The following PTPRT variants were observed in gnomAD, a reference collection of about 807,000 sequenced individuals.
The protein encoded by PTPRT is protein tyrosine phosphatase receptor type T, also known as receptor-type tyrosine-protein phosphatase T.
A neutral mutation model predicts 176.8 loss-of-function variants in PTPRT; 56 were observed. The ratio of observed to expected loss-of-function variants is 0.32; its 90% CI spans 0.26 to 0.40. The LOEUF is 0.40. Ranked by LOEUF, PTPRT falls within the 10% of genes least tolerant of loss-of-function variation. The probability of loss-of-function intolerance (pLI) is 1.00; values close to 1 mark genes in which losing one functional copy is unlikely to be tolerated. For synonymous variants in PTPRT, 783 were observed against 739.0 expected, an observed-to-expected ratio of 1.06 and a Z score of -0.96; for missense variants, 1,540 against 1,908.2, an observed-to-expected ratio of 0.81 and a Z score of 3.60.
At chr20:42,601,411 T>C (rs2073779662) in intron 7 of PTPRT, among the ~76,000 whole-genome samples, 1 of 152,214 alleles carries the variant, frequency 6.6e-6, no homozygotes, top group South Asian at 2.1e-4. Flanking sequence ...CATCAGCACA[T>C]GTCACGATTA....
At chr20:42,645,898 T>C (rs540344029) in intron 7 of PTPRT, among the ~76,000 whole-genome samples, 1 of 152,186 alleles carries the variant, frequency 6.6e-6, no homozygotes, top group Non-Finnish European at 1.5e-5. Context: ...GTGAGTTTTA[T>C]AGAAATGTGC....
chr20:42,506,733 C>A (rs1331055242), intron 7 of PTPRT, among the ~76,000 whole-genome samples: 2 of 152,022 alleles, frequency 1.3e-5, no homozygotes, highest in Non-Finnish European at 2.9e-5. Context: ...TGAAAAAAAA[C>A]ACTGAGATTA....
chr20:42,406,751 A>T (rs566420057), intron 9 of PTPRT, among the ~76,000 whole-genome samples: 3 of 152,360 alleles, frequency 2.0e-5, no homozygotes, highest in African/African-American at 7.2e-5. Context: ...AAACAAATGG[A>T]ATCAATCAGT....
intron 2 of PTPRT, among the ~76,000 whole-genome samples, chr20:42,836,375 T>C (rs1403891180): frequency 6.6e-6 from 1 of 152,190 alleles, no homozygotes; most frequent in African/African-American, 2.4e-5. Context: ...CACCACCTGG[T>C]CTGTGTACTT....
At chr20:42,488,762 C>T (rs1474693453) in intron 7 of PTPRT, among the ~76,000 whole-genome samples, 2 of 151,808 alleles carry the variant, frequency 1.3e-5, no homozygotes, top group Non-Finnish European at 2.9e-5. Flanking sequence ...GTCAGGAATT[C>T]GAGACCAGCC....
At chr20:42,951,992 C>T (rs1024212536) in intron 1 of PTPRT, among the ~76,000 whole-genome samples, 30 of 152,118 alleles carry the variant, frequency 2.0e-4, no homozygotes, top group African/African-American at 5.6e-4. Context: ...GAAAAGGCAC[C>T]CAAATCCCTG....
At chr20:42,892,866 ATTG>A (rs2079219654) in intron 1 of PTPRT, among the ~76,000 whole-genome samples, 2 of 152,158 alleles carry the variant, frequency 1.3e-5, no homozygotes, top group Non-Finnish European at 2.9e-5. Flanking sequence ...CTTGCACTTT[ATTG>A]TTCAGTGAAT....
rs181451067 is a variant in PTPRT at position 42,461,282 on chromosome 20, G to A, written c.1450+10984C>T. Among the ~76,000 whole-genome samples the A allele has an allele frequency of 8.9e-3, 1,350 of 152,268 alleles. 11 individuals carry two copies. Among genetic ancestry groups the A allele is most frequent in the Middle Eastern group, 0.014 (4 of 294 alleles). ...GCGGAGGTTGCGGTGAGCCAAGATC[G>A]TGCCATTGCACTCCAGCCTGGGCAA... On this transcript the variant is annotated intron_variant, in intron 8 of 30. Coordinates refer to ENST00000373187, the MANE Select transcript of PTPRT (RefSeq NM_007050.6).
At position 42,916,484 on chromosome 20, in the gene PTPRT, A is replaced by G. The variant is rs377161809; in HGVS notation, c.89-30552T>C. 2.0e-5 allele frequency among the ~76,000 whole-genome samples: 3 copies of G among 152,224 alleles called. No homozygotes were observed. In the South Asian group the frequency reaches 6.2e-4, roughly 31 times the overall value. On this transcript the variant is annotated intron_variant, in intron 1 of 30. Coordinates refer to ENST00000373187, the MANE Select transcript of PTPRT (RefSeq NM_007050.6). ...TAATCCTTTGGGTATATACCCAGTAATGGGATTGCTGGGTTAAATGCTATT... is the reference window on the plus strand; with the variant it reads ...TAATCCTTTGGGTATATACCCAGTAGTGGGATTGCTGGGTTAAATGCTATT...
intron 6 of PTPRT, among the ~76,000 whole-genome samples, chr20:42,692,983 G>A (rs1364044481): frequency 6.6e-6 from 1 of 152,044 alleles, no homozygotes; most frequent in African/African-American, 2.4e-5. Flanking sequence ...TGGTAATATG[G>A]GTGTACATGT....
chr20:42,090,966 C>G (rs1984554447), intron 27 of PTPRT, among the ~76,000 whole-genome samples: 1 of 152,210 alleles, frequency 6.6e-6, no homozygotes, highest in Non-Finnish European at 1.5e-5. Context: ...CCTTTCTTTT[C>G]CAGTGGTCTG....
intron 21 of PTPRT, chr20:42,116,030 C>A (rs1987263109): frequency 6.9e-6 from 5 of 721,186 alleles, no homozygotes; most frequent in Non-Finnish European, 7.8e-6. Flanking sequence ...AGAACAAAAG[C>A]ATGATTACCA....
At chr20:43,082,960 C>T (rs990367488) in intron 1 of PTPRT, among the ~76,000 whole-genome samples, 1 of 152,108 alleles carries the variant, frequency 6.6e-6, no homozygotes, top group Non-Finnish European at 1.5e-5. Context: ...CTTCACCCTT[C>T]CCTAATTCGT....
chr20:42,525,522 T>C (rs546756906), intron 7 of PTPRT, among the ~76,000 whole-genome samples: 91 of 152,300 alleles, frequency 6.0e-4, no homozygotes, highest in Non-Finnish European at 4.6e-4. Flanking sequence ...CCTGGATATT[T>C]CCCTTAATTT....
chr20:42,819,053 C>T (rs536561843), intron 2 of PTPRT, among the ~76,000 whole-genome samples: 3 of 152,028 alleles, frequency 2.0e-5, no homozygotes, highest in Non-Finnish European at 2.9e-5. Context: ...TGCAAAGAAA[C>T]CATTAAGATA....
intron 27 of PTPRT, among the ~76,000 whole-genome samples, chr20:42,090,864 G>C (rs952532783): frequency 1.3e-5 from 2 of 152,156 alleles, no homozygotes; most frequent in African/African-American, 4.8e-5. Context: ...TTTTGAAGTT[G>C]GCTGATCCAA....
chr20:42,396,920 C>T (rs1482906405), intron 9 of PTPRT, among the ~76,000 whole-genome samples: 1 of 152,188 alleles, frequency 6.6e-6, no homozygotes, highest in Non-Finnish European at 1.5e-5. Context: ...TTTGCCTTCC[C>T]TCAGGTCTCT....
intron 7 of PTPRT, among the ~76,000 whole-genome samples, chr20:42,487,003 A>G (rs962952658): frequency 1.3e-5 from 2 of 152,170 alleles, no homozygotes; most frequent in Non-Finnish European, 2.9e-5. Flanking sequence ...AACTCAAACT[A>G]TCAGATCAAT....
At chr20:42,183,456 A>C (rs529927057) in intron 16 of PTPRT, among the ~76,000 whole-genome samples, 1 of 152,318 alleles carries the variant, frequency 6.6e-6, no homozygotes, top group African/African-American at 2.4e-5. Context: ...TATACTCACA[A>C]GGAATTGTAC....
Sources: gnomAD v4.1 joint callset for allele counts (sites outside exome capture counted in the v4.1 genomes callset) on GRCh38, gnomAD v4.1.1 for gene constraint, MANE v1.5 for transcripts, NCBI Gene and HGNC (gene_info 2026-07-23, HGNC 2026-07-21) for gene names.